UBA2: variants seen among roughly 807,000 people sequenced by gnomAD.
The protein encoded by UBA2 is ubiquitin like modifier activating enzyme 2, also known as SUMO-activating enzyme subunit 2.
A neutral mutation model predicts 77.2 loss-of-function variants in UBA2; 11 were observed. That is an observed-to-expected ratio of 0.14 (90% CI 0.09 to 0.24). UBA2 has a LOEUF of 0.24. Ranked by LOEUF, UBA2 falls within the 10% of genes least tolerant of loss-of-function variation. UBA2 has a pLI of 1.00. For missense variants in UBA2, 487 were observed against 781.7 expected, an observed-to-expected ratio of 0.62 and a Z score of 4.50; for synonymous variants, 278 against 276.7, an observed-to-expected ratio of 1.00 and a Z score of -0.05.
intron 12 of UBA2, among the ~76,000 whole-genome samples, chr19:34,454,773 C>T (rs2075539927): frequency 6.6e-6 from 1 of 152,086 alleles, no homozygotes; most frequent in Non-Finnish European, 1.5e-5. Context: ...TTAACATTTC[C>T]AATTTTACTG....
At chr19:34,440,613 C>G (rs2145508423) in intron 6 of UBA2, among the ~76,000 whole-genome samples, 1 of 152,148 alleles carries the variant, frequency 6.6e-6, no homozygotes, top group East Asian at 1.9e-4. Context: ...ATAATAGATG[C>G]AAAAATCCTA....
rs200753160 is a variant in UBA2 at position 34,452,138 on chromosome 19, A to G, written c.1029A>G (p.Ile343Met). The change falls in exon 10 of 17, where the codon ATA becomes ATG. Residue 343 changes from isoleucine (I) to methionine (M), a missense_variant. Around this residue, in one of 9 missense-constraint regions of UBA2, gnomAD observed 300 missense variants for 454.3 expected, o/e 0.66. Coordinates refer to ENST00000246548, the MANE Select transcript of UBA2 (RefSeq NM_005499.3). ...LAEKGDGAEL[I>M]WDKDDPSAMD... is the part of the protein sequence containing the mutation. ...AAAAGGGGGATGGAGCTGAGCTCAT[A>G]TGGGATAAGGTTCGTTTTGACAATG... 3 of 1,600,242 alleles carry G rather than the reference A, an allele frequency of 1.9e-6. No homozygotes were observed. The highest frequency in any genetic ancestry group is 2.6e-6 in the Non-Finnish European group (3 of 1,171,232).
intron 16 of UBA2, chr19:34,467,233 C>A: frequency 2.0e-6 from 1 of 490,814 alleles, no homozygotes; most frequent in Non-Finnish European, 3.6e-6. Flanking sequence ...TTTGAGAGGC[C>A]AAGATGGGAG....
intron 10 of UBA2, 78 bp from the exon 11 acceptor site, chr19:34,454,182 A>C (rs887633500): frequency 8.8e-6 from 11 of 1,255,344 alleles, no homozygotes; most frequent in Non-Finnish European, 1.1e-5. Context: ...TAAACACGTG[A>C]AAGTATTGTT....
chr19:34,461,826 G>A (rs1225359187), intron 14 of UBA2, among the ~76,000 whole-genome samples: 2 of 152,210 alleles, frequency 1.3e-5, no homozygotes, highest in Non-Finnish European at 2.9e-5. Flanking sequence ...TAGAAAGAGT[G>A]TGTACACAGT....
intron 1 of UBA2, among the ~76,000 whole-genome samples, chr19:34,429,415 T>C (rs1192814249): frequency 6.6e-6 from 1 of 152,192 alleles, no homozygotes; most frequent in African/African-American, 2.4e-5. Flanking sequence ...AACAAAAAAG[T>C]ACGGGTGGCC....
chr19:34,433,536 C>T (rs533178246), intron 4 of UBA2, 124 bp downstream of exon 4: 24 of 722,126 alleles, frequency 3.3e-5, no homozygotes, highest in Admixed American at 1.1e-4. Context: ...GAGAAATGAT[C>T]GAGTTTAAAG....
intron 10 of UBA2, among the ~76,000 whole-genome samples, chr19:34,453,161 C>T (rs549450346): frequency 5.9e-5 from 9 of 152,192 alleles, no homozygotes; most frequent in Middle Eastern, 6.8e-3. Context: ...GATATAATTT[C>T]CCCTATTTAA....
chr19:34,445,005 C>T lies in UBA2; in HGVS notation c.655C>T (p.Pro219Ser). 1 of 1,610,910 alleles carries T rather than the reference C, an allele frequency of 6.2e-7. No individual in the cohort carries two copies. Among genetic ancestry groups the T allele is most frequent in the South Asian group, 1.1e-5 (1 of 90,232 alleles). ...DRADPEAAWE[P>S]TEAEARARAS... Reference sequence around the variant, plus strand: ...AAATAATGATCGTTTTATAGGGGAACCAACGGAAGCCGAAGCCAGAGCTAG... The same window carrying T: ...AAATAATGATCGTTTTATAGGGGAATCAACGGAAGCCGAAGCCAGAGCTAG... The change falls in exon 8 of 17, where the codon CCA becomes TCA. Residue 219 changes from proline (P) to serine (S), a missense_variant. Physicochemically the swap from Pro to Ser is moderately conservative, Grantham distance 74. Around this residue, in one of 9 missense-constraint regions of UBA2, gnomAD observed 300 missense variants for 454.3 expected, o/e 0.66. Coordinates refer to ENST00000246548, the MANE Select transcript of UBA2 (RefSeq NM_005499.3).
chr19:34,434,179 A>T (rs2075285597), intron 4 of UBA2, among the ~76,000 whole-genome samples: 1 of 152,286 alleles, frequency 6.6e-6, no homozygotes, highest in Admixed American at 6.5e-5. Flanking sequence ...CACTGGTGTG[A>T]TCATAACTCA....
At chr19:34,440,331 A>T (rs1385359445) in intron 6 of UBA2, among the ~76,000 whole-genome samples, 1 of 151,948 alleles carries the variant, frequency 6.6e-6, no homozygotes, top group African/African-American at 2.4e-5. Context: ...AAATGAAAGG[A>T]AAATAGAATG....
Position 34,445,060 on chromosome 19 carries a change from G to A in UBA2, c.710G>A (p.Arg237His), listed in dbSNP as rs2075413718. 2.5e-6 allele frequency: 4 copies of A among 1,613,796 alleles called. No homozygotes were observed. The highest frequency in any genetic ancestry group is 1.7e-5 in the Admixed American group (1 of 59,970). Residue 237 changes from arginine (R) to histidine (H), a missense_variant, in exon 8 of 17, where the codon CGT becomes CAT. Around this residue, in one of 9 missense-constraint regions of UBA2, gnomAD observed 300 missense variants for 454.3 expected, o/e 0.66. Coordinates refer to ENST00000246548, the MANE Select transcript of UBA2 (RefSeq NM_005499.3). ...TCTAATGAAGATGGTGACATTAAAC[G>A]TATTTCTACTAAGGAATGGGCTAAA... ...RASNEDGDIK[R>H]ISTKEWAKST...
rs750427035 is a variant in UBA2 at position 34,458,830 on chromosome 19, C to T, written c.1307C>T (p.Pro436Leu). The T allele has an allele frequency of 8.7e-6, 14 of 1,614,086 alleles. No individual in the cohort carries two copies. The highest frequency in any genetic ancestry group is 6.6e-5 in the South Asian group (6 of 91,082). ...KKLLVPCALDPPNPNCYVCAS... is the reference protein window; with the variant it reads ...KKLLVPCALDLPNPNCYVCAS... The stretch of plus-strand genomic sequence containing the variant: ...CTTCTTGTGCCTTGTGCACTGGATC[C>T]TCCCAACCCCAATTGTTATGTATGT... Residue 436 changes from proline to leucine, a missense_variant, in exon 13 of 17, where the codon CCT (proline) becomes CTT (leucine). Coordinates refer to ENST00000246548, the MANE Select transcript of UBA2 (RefSeq NM_005499.3).
Position 34,454,302 on chromosome 19 carries a change from C to G in UBA2, c.1081C>G (p.Leu361Val). Reference protein sequence around the residue: ...AMDFVTSAANLRMHIFSMNMK... With the variant: ...AMDFVTSAANVRMHIFSMNMK... The stretch of plus-strand genomic sequence containing the variant: ...GGATTTTGTCACCTCTGCTGCAAAC[C>G]TCAGGATGCATATTTTCAGTATGAA... The change falls in exon 11 of 17, where the codon CTC becomes GTC. Residue 361 changes from leucine to valine, a missense_variant. Leu to Val is a conservative substitution (Grantham distance 32, BLOSUM62 1). Coordinates refer to ENST00000246548, the MANE Select transcript of UBA2 (RefSeq NM_005499.3). 1 of 1,612,906 alleles carries G rather than the reference C, an allele frequency of 6.2e-7. No homozygotes were observed. Among genetic ancestry groups the G allele is most frequent in the Non-Finnish European group, 8.5e-7 (1 of 1,179,822 alleles).
intron 8 of UBA2, among the ~76,000 whole-genome samples, chr19:34,446,396 T>C (rs2075430561): frequency 6.6e-6 from 1 of 152,220 alleles, no homozygotes; most frequent in Non-Finnish European, 1.5e-5. Flanking sequence ...AACTTTTGCA[T>C]GTGGTGTTTT....
In UBA2 at chr19:34,466,892, A is replaced by G. The variant is rs766152875; in HGVS notation, c.1619A>G (p.Lys540Arg). The G allele has an allele frequency of 5.0e-6, 8 of 1,613,080 alleles. No individual in the cohort carries two copies. Among genetic ancestry groups the G allele is most frequent in the Non-Finnish European group, 5.1e-6 (6 of 1,179,986 alleles). Residue 540 changes from lysine to arginine, a missense_variant, in exon 16 of 17, where the codon AAG becomes AGG. Lys to Arg is a conservative substitution (Grantham distance 26, BLOSUM62 2). Transcript: ENST00000246548. ...INILHSEDLG[K>R]DVEFEVVGDA... is the part of the protein sequence containing the mutation. ...TTCTCCTACAGTGAAGACCTAGGAAAGGACGTTGAATTTGAAGTTGTTGGT... is the reference window on the plus strand; with the variant it reads ...TTCTCCTACAGTGAAGACCTAGGAAGGGACGTTGAATTTGAAGTTGTTGGT...
At chr19:34,430,401 A>G (rs1241932934) in intron 1 of UBA2, among the ~76,000 whole-genome samples, 175 bp from the exon 2 acceptor site, 1 of 152,226 alleles carries the variant, frequency 6.6e-6, no homozygotes, top group African/African-American at 2.4e-5. Flanking sequence ...CTAGATTCTT[A>G]CATGCATTAA....
intron 8 of UBA2, among the ~76,000 whole-genome samples, chr19:34,448,765 C>T (rs2145530003): frequency 6.6e-6 from 1 of 152,064 alleles, no homozygotes; most frequent in East Asian, 1.9e-4. Context: ...GTTGGGATTC[C>T]TAGGTTTATA....
chr19:34,435,471 T>A (rs1433912220), intron 5 of UBA2, among the ~76,000 whole-genome samples: 1 of 152,204 alleles, frequency 6.6e-6, no homozygotes, highest in East Asian at 1.9e-4. Flanking sequence ...TCTGCCATTT[T>A]GTTTCATTTG....
Sources: gnomAD v4.1 joint callset for allele counts (sites outside exome capture counted in the v4.1 genomes callset) on GRCh38, gnomAD v4.1.1 for gene constraint, gnomAD v4.1.1 regional missense constraint, MANE v1.5 for transcripts, NCBI Gene and HGNC (gene_info 2026-07-23, HGNC 2026-07-21) for gene names.